The following LAMA3 variants were observed in gnomAD, a reference collection of about 807,000 sequenced individuals.
LAMA3 encodes the protein laminin subunit alpha-3.
In LAMA3, 281 loss-of-function variants were observed where a neutral mutation model predicts 402.0. The observed-to-expected ratio is 0.70, with a 90% CI of 0.63 to 0.77. The LOEUF is 0.77. Among genes scored for constraint, LAMA3 ranks in the 30% least tolerant of loss-of-function variants. The probability of loss-of-function intolerance (pLI) is 0.00; values close to 1 mark genes in which losing one functional copy is unlikely to be tolerated. For synonymous variants in LAMA3, 1,431 were observed against 1,558.4 expected (o/e 0.92, Z 1.93); for missense variants, 3,840 against 4,215.5 (o/e 0.91, Z 2.47).
rs1227293732 is a variant in LAMA3, at chr18:23,752,349, GATTTGCAGTCA to G, written c.855+1262_855+1272del. 3.3e-5 allele frequency among the ~76,000 whole-genome samples: 5 copies of G among 152,190 alleles called. No individual in the cohort carries two copies. In the East Asian group the frequency reaches 9.6e-4, roughly 29 times the overall value. On this transcript the variant is annotated intron_variant, in intron 5 of 74. Transcript: ENST00000313654. ...TAAATTGTCTTTTTGGGGGTTGCAAGATTTGCAGTCATATATATCTATGTATATTACTTTTC... is the reference window on the plus strand; with the variant it reads ...TAAATTGTCTTTTTGGGGGTTGCAAGTATATATCTATGTATATTACTTTTC...
intron 2 of LAMA3, among the ~76,000 whole-genome samples, chr18:23,723,472 A>T (rs112906548): frequency 0.012 from 1,797 of 152,150 alleles, 22 homozygotes; most frequent in Middle Eastern, 0.068. Flanking sequence ...AACTAGCTAG[A>T]CTGTATGGAA....
At chr18:23,899,188 TA>T (rs2080981313) in intron 46 of LAMA3, 99 bp from the exon 47 acceptor site, 4 of 1,285,316 alleles carry the variant, frequency 3.1e-6, no homozygotes, top group Non-Finnish European at 4.4e-6. Context: ...ACTAAAAAAC[TA>T]ATATAAAATC....
chr18:23,772,991 G>A (rs1027905130), intron 8 of LAMA3, among the ~76,000 whole-genome samples: 4 of 152,204 alleles, frequency 2.6e-5, no homozygotes, highest in Admixed American at 6.5e-5. Flanking sequence ...TCATGAAACA[G>A]AGGTATTCAG....
At chr18:23,941,588 A>G (rs2082522466) in intron 68 of LAMA3, among the ~76,000 whole-genome samples, 1 of 152,106 alleles carries the variant, frequency 6.6e-6, no homozygotes, top group African/African-American at 2.4e-5. Context: ...TCTCATTCTG[A>G]TTTACATTCT....
At position 23,894,342 on chromosome 18, in the gene LAMA3, T is replaced by A; in HGVS notation, c.5455T>A (p.Cys1819Ser). ...EPKDSSPAEE[C>S]DDCDSCVMTL... ...CAAAGATAGCAGCCCTGCAGAAGAA[T>A]GTGATGGTGAGAAAAGAAAGCCCCT... Residue 1819 changes from cysteine (C) to serine (S), a missense_variant, in exon 43 of 75, where the codon TGT (cysteine) becomes AGT (serine). Physicochemically the swap from Cys to Ser is moderately radical, Grantham distance 112 (BLOSUM62 -1). Coordinates refer to ENST00000313654, the MANE Select transcript of LAMA3 (RefSeq NM_198129.4). 6.2e-7 allele frequency: 1 copy of A among 1,613,426 alleles called. No homozygotes were observed. Among genetic ancestry groups the A allele is most frequent in the Non-Finnish European group, 8.5e-7 (1 of 1,179,384 alleles).
chr18:23,745,027 C>G (rs982313097), intron 2 of LAMA3, among the ~76,000 whole-genome samples: 6 of 151,912 alleles, frequency 3.9e-5, no homozygotes, highest in Non-Finnish European at 7.4e-5. Context: ...GTATTAAATA[C>G]AATTTTGAAT....
intron 39 of LAMA3, 92 bp downstream of exon 39, chr18:23,876,499 C>T: frequency 1.3e-6 from 1 of 798,486 alleles, no homozygotes; most frequent in Non-Finnish European, 2.2e-6. Context: ...CATTACATCT[C>T]CCGCCAAACC....
chr18:23,793,601 A>C (rs1433075351), intron 12 of LAMA3, among the ~76,000 whole-genome samples: 1 of 151,842 alleles, frequency 6.6e-6, no homozygotes, highest in Admixed American at 6.6e-5. Flanking sequence ...CTGGTCCAAG[A>C]ACAATTGTGT....
rs779598837 is a variant in LAMA3 at position 23,953,160 on chromosome 18, C to A, written c.9856+51C>A. On this transcript the variant is annotated intron_variant, in intron 74 of 74. Coordinates refer to ENST00000313654, the MANE Select transcript of LAMA3 (RefSeq NM_198129.4). ...TGTGTTGCCCTGTGTCAGCTCTGAACATTCACTTCTTAATTAGTGGCAGGG... is the reference window on the plus strand; with the variant it reads ...TGTGTTGCCCTGTGTCAGCTCTGAAAATTCACTTCTTAATTAGTGGCAGGG... The A allele has an allele frequency of 1.9e-6, 3 of 1,608,856 alleles. No homozygotes were observed. In the East Asian group the frequency reaches 6.7e-5, roughly 36 times the overall value.
Position 23,713,932 on chromosome 18 carries a change from G to C in LAMA3, c.307G>C (p.Asp103His). Residue 103 changes from aspartate to histidine, a missense_variant, in exon 2 of 75, where the codon GAC (aspartate) becomes CAC (histidine). Physicochemically the swap from Asp to His is moderately conservative, Grantham distance 81. This residue lies in a region of LAMA3 where 2,109 missense variants were observed against 2,376.0 expected (regional missense o/e 0.89). Coordinates refer to ENST00000313654, the MANE Select transcript of LAMA3 (RefSeq NM_198129.4). ...TTTTTTTTTTCAGGGCCAGTTCTGT[G>C]ACTATTGCAATTCTGAAGACCCCAG... is the stretch of plus-strand genomic sequence containing the variant. ...SGHTIQGQFC[D>H]YCNSEDPRKA... The C allele has an allele frequency of 6.2e-7, 1 of 1,612,316 alleles. No individual in the cohort carries two copies. Among genetic ancestry groups the C allele is most frequent in the Admixed American group, 1.7e-5 (1 of 59,898 alleles).
At chr18:23,863,918 G>A (rs2064287079) in intron 35 of LAMA3, among the ~76,000 whole-genome samples, 1 of 152,186 alleles carries the variant, frequency 6.6e-6, no homozygotes, top group East Asian at 1.9e-4. Context: ...GCTGCTTGTG[G>A]GACATTGAGA....
At chr18:23,921,136 A>G (rs2081821847) in intron 61 of LAMA3, 82 bp downstream of exon 61, 1 of 1,445,040 alleles carries the variant, frequency 6.9e-7, no homozygotes, top group Non-Finnish European at 9.6e-7. Context: ...AAATAAATAA[A>G]TAAAACTTCC....
chr18:23,876,431 C>A, intron 39 of LAMA3, 24 bp downstream of exon 39: 2 of 1,426,186 alleles, frequency 1.4e-6, no homozygotes, highest in Non-Finnish European at 2.0e-6. Flanking sequence ...CACTTTAATG[C>A]TATCAGCAGA....
intron 1 of LAMA3, among the ~76,000 whole-genome samples, chr18:23,707,883 C>T (rs2060919574): frequency 6.6e-6 from 1 of 152,116 alleles, no homozygotes; most frequent in Non-Finnish European, 1.5e-5. Context: ...CATGTGCCAC[C>T]ATGCCCAGCT....
In LAMA3 at chr18:23,916,600, C is replaced by A; in HGVS notation, c.7828C>A (p.Arg2610=). ...KNYFEGTGYA[R]VPTQPHAPIP... ...TTATTTTGAAGGTACGGGCTATGCT[C>A]GAGTTCCAACTCAACCACATGCTCC... Residue 2610 remains arginine, a synonymous_variant, in exon 60 of 75, where the codon CGA becomes AGA. Transcript: ENST00000313654. 1 of 1,614,004 alleles carries A rather than the reference C, an allele frequency of 6.2e-7. No individual in the cohort carries two copies. The highest frequency in any genetic ancestry group is 8.5e-7 in the Non-Finnish European group (1 of 1,179,864).
At chr18:23,807,758 G>T (rs750213870) in intron 12 of LAMA3, among the ~76,000 whole-genome samples, 69 of 152,250 alleles carry the variant, frequency 4.5e-4, no homozygotes, top group Middle Eastern at 3.4e-3. Flanking sequence ...TTTACTCAAA[G>T]TCTACTGATT....
At chr18:23,871,859 T>C (rs773339729) in intron 38 of LAMA3, among the ~76,000 whole-genome samples, 198 bp downstream of exon 38, 8 of 152,200 alleles carry the variant, frequency 5.3e-5, no homozygotes, top group Non-Finnish European at 1.0e-4. Context: ...TGTCTCAGAA[T>C]TCATAGGAAA....
intron 1 of LAMA3, among the ~76,000 whole-genome samples, chr18:23,690,246 T>C (rs1377045161): frequency 6.6e-6 from 1 of 152,080 alleles, no homozygotes; most frequent in Non-Finnish European, 1.5e-5. Flanking sequence ...GAGGGGAAAG[T>C]GTGAGGCTGC....
Position 23,775,808 on chromosome 18 carries a change from T to C in LAMA3, c.1290T>C (p.Pro430=), listed in dbSNP as rs2062304227. 1.2e-6 allele frequency: 2 copies of C among 1,613,960 alleles called. No individual in the cohort carries two copies. Among genetic ancestry groups the C allele is most frequent in the Non-Finnish European group, 1.7e-6 (2 of 1,179,798 alleles). ...PDGCIPCSCD[P]EHADGCEQGS... is the part of the protein sequence containing the mutation. Reference sequence around the variant, plus strand: ...TTCTCTTAGCCTGCAGCTGTGACCCTGAGCATGCGGATGGCTGTGAACAGG... The same window carrying C: ...TTCTCTTAGCCTGCAGCTGTGACCCCGAGCATGCGGATGGCTGTGAACAGG... The change falls in exon 10 of 75, where the codon CCT becomes CCC. Residue 430 remains proline, a synonymous_variant. Coordinates refer to ENST00000313654, the MANE Select transcript of LAMA3 (RefSeq NM_198129.4).
Sources: allele counts gnomAD v4.1 joint callset (sites outside exome capture counted in the v4.1 genomes callset), GRCh38; gene constraint gnomAD v4.1.1; regional missense constraint gnomAD v4.1.1; transcripts MANE v1.5; gene names NCBI Gene and HGNC (gene_info 2026-07-23, HGNC 2026-07-21).